Variants in AASS observed in about 807,000 individuals in gnomAD.
AASS encodes the protein alpha-aminoadipic semialdehyde synthase, mitochondrial.
A neutral mutation model predicts 105.4 loss-of-function variants in AASS; 86 were observed. The ratio of observed to expected loss-of-function variants is 0.82; its 90% CI spans 0.69 to 0.98. The LOEUF is 0.98. AASS is among the 50% of genes least tolerant of loss of function. AASS has a pLI of 0.00. For synonymous variants in AASS, 381 were observed against 394.8 expected (o/e 0.96, Z 0.41); for missense variants, 1,048 against 1,143.2 (o/e 0.92, Z 1.20).
In AASS at chr7:122,081,610, A is replaced by C; in HGVS notation, c.2185-15T>G. 1 of 1,566,122 alleles carries C rather than the reference A, an allele frequency of 6.4e-7. No individual in the cohort carries two copies. On this transcript the variant is annotated splice_polypyrimidine_tract_variant and intron_variant, in intron 19 of 23. Coordinates refer to ENST00000417368, the MANE Select transcript of AASS (RefSeq NM_005763.4). Reference sequence around the variant, plus strand: ...TTCATATATCCCTGAAACAAGAATTAATAAGCAGTATATAAAATTTTTCTC... The same window carrying C: ...TTCATATATCCCTGAAACAAGAATTCATAAGCAGTATATAAAATTTTTCTC...
Position 122,074,715 on chromosome 7 carries a change from C to T in AASS, c.*1774G>A, listed in dbSNP as rs1792921184. 6.6e-6 allele frequency among the ~76,000 whole-genome samples: 1 copy of T among 152,174 alleles called. No individual in the cohort carries two copies. The highest frequency in any genetic ancestry group is 1.5e-5 in the Non-Finnish European group (1 of 68,034). ...TGTGGATATCCATGTTTCCAAGCAT[C>T]ATTTAATGAAAAAGACTATTTTGCC... On this transcript the variant is annotated 3_prime_UTR_variant, in exon 24 of 24. Transcript: ENST00000417368.
At chr7:122,137,740 A>G (rs1796216646) in intron 1 of AASS, among the ~76,000 whole-genome samples, 1 of 152,194 alleles carries the variant, frequency 6.6e-6, no homozygotes, top group African/African-American at 2.4e-5. Context: ...TGGAAATGCC[A>G]ACGGAGGCTG....
intron 2 of AASS, among the ~76,000 whole-genome samples, chr7:122,132,044 G>A (rs1033333958): frequency 2.6e-5 from 4 of 152,144 alleles, no homozygotes; most frequent in Non-Finnish European, 4.4e-5. Flanking sequence ...TAGCAAATTT[G>A]AGTCCACACT....
chr7:122,128,951 G>A (rs1458811198), intron 3 of AASS, among the ~76,000 whole-genome samples: 3 of 152,038 alleles, frequency 2.0e-5, no homozygotes, highest in East Asian at 1.9e-4. Flanking sequence ...GTTGGCTGGC[G>A]CCTGTAGTCC....
chr7:122,077,319 T>C (rs1793068716), intron 23 of AASS, among the ~76,000 whole-genome samples: 1 of 152,234 alleles, frequency 6.6e-6, no homozygotes, highest in Non-Finnish European at 1.5e-5. Flanking sequence ...AAAATATTTA[T>C]TGAGTACTAA....
chr7:122,105,843 C>T (rs901447362), intron 11 of AASS, among the ~76,000 whole-genome samples: 2 of 151,764 alleles, frequency 1.3e-5, no homozygotes, highest in Admixed American at 6.6e-5. Context: ...ACAAACTGAA[C>T]CCAAAATTAG....
chr7:122,118,202 G>C, intron 6 of AASS, 105 bp downstream of exon 6: 2 of 1,294,214 alleles, frequency 1.5e-6, no homozygotes, highest in Non-Finnish European at 2.2e-6. Flanking sequence ...GCCTAAAATA[G>C]AATCTCCAGT....
intron 6 of AASS, 43 bp from the exon 7 acceptor site, chr7:122,117,000 A>G: frequency 6.5e-7 from 1 of 1,532,990 alleles, no homozygotes. Context: ...TCAATAGAAA[A>G]AGAACCAACA....
intron 4 of AASS, among the ~76,000 whole-genome samples, chr7:122,125,526 T>G (rs1398743833): frequency 6.6e-6 from 1 of 152,236 alleles, no homozygotes; most frequent in Non-Finnish European, 1.5e-5. Flanking sequence ...CCTACTGCTG[T>G]GTCCGGTTTC....
At chr7:122,115,942 G>A (rs1048309166) in intron 8 of AASS, among the ~76,000 whole-genome samples, 2 of 152,110 alleles carry the variant, frequency 1.3e-5, no homozygotes, top group Non-Finnish European at 2.9e-5. Context: ...ACCAGAATCT[G>A]AAAATGTTAT....
intron 1 of AASS, among the ~76,000 whole-genome samples, chr7:122,141,006 AT>A: frequency 6.6e-6 from 1 of 152,256 alleles, no homozygotes. Context: ...AAACCATAAT[AT>A]TTTTTGGAGA....
chr7:122,098,837 G>C lies in AASS; in HGVS notation c.1436C>G (p.Thr479Ser). Reference sequence around the variant, plus strand: ...TCCAAGAACCAAAACCTTTCTCCTGGTGCCCATTGAAAGTGACTGAGCACG... The same window carrying C: ...TCCAAGAACCAAAACCTTTCTCCTGCTGCCCATTGAAAGTGACTGAGCACG... ...RERAQSLSMG[T>S]RRKVLVLGSG... Residue 479 changes from threonine (T) to serine (S), a missense_variant, in exon 14 of 24, where the codon ACC (threonine) becomes AGC (serine). By Grantham distance (58) the Thr-to-Ser change is moderately conservative. Transcript: ENST00000417368. 6.3e-7 allele frequency: 1 copy of C among 1,590,400 alleles called. No homozygotes were observed. Among genetic ancestry groups the C allele is most frequent in the South Asian group, 1.1e-5 (1 of 88,942 alleles).
intron 2 of AASS, among the ~76,000 whole-genome samples, chr7:122,131,984 T>C (rs933753603): frequency 1.1e-4 from 16 of 152,140 alleles, no homozygotes; most frequent in East Asian, 1.9e-4. Context: ...AAAAGGTCCA[T>C]GCTTCCAAAA....
chr7:122,140,702 C>T (rs902803662), intron 1 of AASS, among the ~76,000 whole-genome samples: 7 of 151,650 alleles, frequency 4.6e-5, no homozygotes, highest in Non-Finnish European at 5.9e-5. Context: ...ATGACTCAAA[C>T]CAAAACTATC....
intron 2 of AASS, among the ~76,000 whole-genome samples, chr7:122,132,932 T>C (rs1351705308): frequency 1.3e-5 from 2 of 152,090 alleles, no homozygotes; most frequent in African/African-American, 2.4e-5. Flanking sequence ...TTTGAGGCAA[T>C]GGGGAATCTG....
intron 2 of AASS, among the ~76,000 whole-genome samples, chr7:122,132,825 T>G (rs1185009331): frequency 6.6e-6 from 1 of 152,002 alleles, no homozygotes; most frequent in Non-Finnish European, 1.5e-5. Flanking sequence ...TGAAACAAAA[T>G]CAGAAAGGGA....
chr7:122,109,503 A>C (rs1461705773), intron 11 of AASS, among the ~76,000 whole-genome samples: 1 of 152,022 alleles, frequency 6.6e-6, no homozygotes, highest in Non-Finnish European at 1.5e-5. Flanking sequence ...CCATGCATCT[A>C]TATCCACCAG....
intron 4 of AASS, among the ~76,000 whole-genome samples, chr7:122,119,268 A>G (rs1246529199): frequency 1.3e-5 from 2 of 152,100 alleles, no homozygotes; most frequent in Non-Finnish European, 2.9e-5. Context: ...ATTCACCCTC[A>G]GGATTATGTC....
chr7:122,118,268 T>C, intron 6 of AASS, 39 bp downstream of exon 6: 2 of 1,611,464 alleles, frequency 1.2e-6, no homozygotes, highest in Non-Finnish European at 1.7e-6. Context: ...GTTTCAAAGT[T>C]TTGGATTGTT....
Sources: allele counts gnomAD v4.1 joint callset (sites outside exome capture counted in the v4.1 genomes callset), GRCh38; gene constraint gnomAD v4.1.1; transcripts MANE v1.5; gene names NCBI Gene and HGNC (gene_info 2026-07-23, HGNC 2026-07-21).